PKIA: variants seen among roughly 807,000 people sequenced by gnomAD.
PKIA encodes cAMP-dependent protein kinase inhibitor alpha, also known as PKI-alpha.
Under a neutral mutation model 7.6 loss-of-function variants are expected in PKIA, and 4 were observed. The ratio of observed to expected loss-of-function variants is 0.52; its 90% CI spans 0.26 to 1.20. The LOEUF (loss-of-function observed/expected upper bound fraction) is 1.20, where lower values mean the gene tolerates loss of function less well. Among genes scored for constraint, PKIA ranks in the 50% most tolerant of loss-of-function variants. The pLI is 0.13. For missense variants in PKIA, 73 were observed against 86.2 expected (o/e 0.85, Z 0.61); for synonymous variants, 21 against 30.7 (o/e 0.68, Z 1.04).
At chr8:78,591,920 G>C (rs16905837) in intron 2 of PKIA, among the ~76,000 whole-genome samples, 1 of 151,952 alleles carries the variant, frequency 6.6e-6, no homozygotes, top group African/African-American at 2.4e-5. Context: ...CTAAACTTCC[G>C]TCTGCTGCTG....
chr8:78,528,173 T>C (rs1025996267), intron 1 of PKIA, among the ~76,000 whole-genome samples: 2 of 152,186 alleles, frequency 1.3e-5, no homozygotes, highest in Non-Finnish European at 2.9e-5. Flanking sequence ...ATACTAAAAT[T>C]TGTTCAAGTA....
At chr8:78,598,294 G>A (rs79173050) in intron 2 of PKIA, 64 bp from the exon 3 acceptor site, 49,148 of 942,154 alleles carry the variant, frequency 0.052, 1,656 homozygotes, top group Non-Finnish European at 0.058. Flanking sequence ...ATACTAAGTC[G>A]GTAGTTAAAT....
chr8:78,543,147 G>A (rs1045891225), intron 1 of PKIA, among the ~76,000 whole-genome samples: 1 of 152,158 alleles, frequency 6.6e-6, no homozygotes, highest in African/African-American at 2.4e-5. Context: ...GAACACTGAG[G>A]TCAGAACCCT....
intron 2 of PKIA, among the ~76,000 whole-genome samples, chr8:78,580,160 TTAGA>T (rs1253628191): frequency 1.3e-5 from 2 of 152,054 alleles, no homozygotes; most frequent in Non-Finnish European, 1.5e-5. Flanking sequence ...ATTAAAATAT[TTAGA>T]TAAATATTAT....
chr8:78,566,309 G>T (rs987946009), intron 1 of PKIA, among the ~76,000 whole-genome samples: 2 of 152,052 alleles, frequency 1.3e-5, no homozygotes, highest in Non-Finnish European at 2.9e-5. Context: ...GTCTTTGTTG[G>T]CTGTTAAAAA....
In PKIA at chr8:78,598,413, A is replaced by C; in HGVS notation, c.29A>C (p.Asp10Ala). 1 of 1,612,080 alleles carries C rather than the reference A, an allele frequency of 6.2e-7. No individual in the cohort carries two copies. The highest frequency in any genetic ancestry group is 8.5e-7 in the Non-Finnish European group (1 of 1,178,608). Residue 10 changes from aspartate to alanine, a missense_variant, in exon 3 of 4, where the codon GAT (aspartate) becomes GCT (alanine). Asp to Ala is a moderately radical substitution (Grantham distance 126). Transcript: ENST00000396418. ...ACTGATGTGGAAACTACATATGCAGATTTTATTGCTTCAGGAAGAACAGGT... is the reference window on the plus strand; with the variant it reads ...ACTGATGTGGAAACTACATATGCAGCTTTTATTGCTTCAGGAAGAACAGGT... MTDVETTYADFIASGRTGRR... is the reference protein window; with the variant it reads MTDVETTYAAFIASGRTGRR...
At chr8:78,521,195 G>T (rs1036445957) in intron 1 of PKIA, among the ~76,000 whole-genome samples, 2 of 152,146 alleles carry the variant, frequency 1.3e-5, no homozygotes, top group African/African-American at 4.8e-5. Context: ...CAGTTGATTG[G>T]TGTAGTTTAC....
intron 1 of PKIA, among the ~76,000 whole-genome samples, chr8:78,544,769 C>T (rs1806781476): frequency 6.6e-6 from 1 of 152,134 alleles, no homozygotes; most frequent in African/African-American, 2.4e-5. Flanking sequence ...CTTATCTAAA[C>T]ACATTCAGAT....
chr8:78,589,182 G>C (rs1272211047), intron 2 of PKIA, among the ~76,000 whole-genome samples: 1 of 152,128 alleles, frequency 6.6e-6, no homozygotes, highest in Non-Finnish European at 1.5e-5. Context: ...GAGGATTGAA[G>C]ATGAATGATG....
chr8:78,537,044 G>A (rs1806545117), intron 1 of PKIA, among the ~76,000 whole-genome samples: 1 of 151,978 alleles, frequency 6.6e-6, no homozygotes, highest in African/African-American at 2.4e-5. Flanking sequence ...TTAGTATATA[G>A]ACCTAGATAG....
At chr8:78,517,463 T>C (rs1809337084) in intron 1 of PKIA, among the ~76,000 whole-genome samples, 1 of 152,194 alleles carries the variant, frequency 6.6e-6, no homozygotes, top group African/African-American at 2.4e-5. Context: ...TTTAGTCCAG[T>C]TGGATTTTGA....
chr8:78,599,220 G>T (rs560986610), intron 3 of PKIA, among the ~76,000 whole-genome samples: 3 of 152,146 alleles, frequency 2.0e-5, no homozygotes, highest in South Asian at 4.2e-4. Context: ...TCCCCTGATA[G>T]TTCCTCCACC....
Position 78,604,998 on chromosome 8 carries a change from A to C in PKIA, c.*3177A>C, listed in dbSNP as rs767671236. On this transcript the variant is annotated 3_prime_UTR_variant, in exon 4 of 4. Transcript: ENST00000396418. ...TACTGCTATTTCTCTTCAGGGAAAC[A>C]ATAATGGATAAAGAAATGTAACTGC... 1.7e-4 allele frequency: 26 copies of C among 152,014 alleles called. No individual in the cohort carries two copies. The highest frequency in any genetic ancestry group is 7.4e-5 in the Non-Finnish European group (5 of 67,952). 9.4% of individuals were successfully genotyped at this position (152,014 alleles called of 1,614,324 possible).
rs554840176 is a variant in PKIA at position 78,527,864 on chromosome 8, A to G, written c.-157+11396A>G. 1.1e-4 allele frequency among the ~76,000 whole-genome samples: 16 copies of G among 152,184 alleles called. No homozygotes were observed. In the East Asian group the frequency reaches 3.1e-3, roughly 29 times the overall value. On this transcript the variant is annotated intron_variant, in intron 1 of 3. Coordinates refer to ENST00000396418, the MANE Select transcript of PKIA (RefSeq NM_006823.4). ...TCTTGAGGAATACATTGTCCTATGC[A>G]TAATAAATTATTTTGTACATCTATG...
chr8:78,545,469 G>T (rs141066001), intron 1 of PKIA, among the ~76,000 whole-genome samples: 1 of 152,156 alleles, frequency 6.6e-6, no homozygotes, highest in Admixed American at 6.6e-5. Flanking sequence ...CAGTAACTCC[G>T]ATAAACAGTT....
rs1009958165 is a variant in PKIA at position 78,524,392 on chromosome 8, G to A, written c.-157+7924G>A. On this transcript the variant is annotated intron_variant, in intron 1 of 3. Transcript: ENST00000396418. The stretch of plus-strand genomic sequence containing the variant: ...ATTGTGACAAGTCACTGTCATCCAA[G>A]TTAGTCTCTCACGTGGCTCTCAAGG... Among the ~76,000 whole-genome samples, 21 of 151,308 alleles carry A rather than the reference G, an allele frequency of 1.4e-4. 1 individual carries two copies. The highest frequency in any genetic ancestry group is 4.1e-4 in the African/African-American group (17 of 41,270).
chr8:78,516,348 A>G lies in PKIA; in HGVS notation c.-277A>G, dbSNP rs1430830654. ...AGCCGGAGCTCCGCGGCGGGAGCGGAGGCTGCTGCTGGCAGGTGGGGCGCG... is the reference window on the plus strand; with the variant it reads ...AGCCGGAGCTCCGCGGCGGGAGCGGGGGCTGCTGCTGGCAGGTGGGGCGCG... On this transcript the variant is annotated 5_prime_UTR_variant, in exon 1 of 4. Transcript: ENST00000396418. 6.6e-6 allele frequency: 1 copy of G among 152,108 alleles called. No individual in the cohort carries two copies. The highest frequency in any genetic ancestry group is 1.5e-5 in the Non-Finnish European group (1 of 68,076). The allele number at this position is 152,108 out of a possible 1,614,324, so 9.4% of individuals were successfully genotyped here.
intron 1 of PKIA, among the ~76,000 whole-genome samples, chr8:78,525,242 A>G (rs1809520017): frequency 6.6e-6 from 1 of 151,836 alleles, no homozygotes; most frequent in Non-Finnish European, 1.5e-5. Context: ...TCAGAATGCA[A>G]GATAGAGATT....
chr8:78,588,862 T>C (rs993844759), intron 2 of PKIA, among the ~76,000 whole-genome samples: 1 of 150,304 alleles, frequency 6.7e-6, no homozygotes, highest in South Asian at 2.1e-4. Flanking sequence ...GATTGTTCCA[T>C]TGCACCCCAG....
Sources: gnomAD v4.1 joint callset for allele counts (sites outside exome capture counted in the v4.1 genomes callset) on GRCh38, gnomAD v4.1.1 for gene constraint, MANE v1.5 for transcripts, NCBI Gene and HGNC (gene_info 2026-07-23, HGNC 2026-07-21) for gene names.